TRPV2: variants seen among roughly 807,000 people sequenced by gnomAD.
The protein encoded by TRPV2 is OTRPC2.
Under a neutral mutation model 91.0 loss-of-function variants are expected in TRPV2, and 58 were observed. That is an observed-to-expected ratio of 0.64 (90% CI 0.52 to 0.79). The LOEUF (loss-of-function observed/expected upper bound fraction) is 0.79. Ranked by LOEUF, TRPV2 falls within the 30% of genes least tolerant of loss-of-function variation. The pLI is 0.00. For synonymous variants in TRPV2, 417 were observed against 414.8 expected (o/e 1.01, Z -0.06); for missense variants, 807 against 969.6 (o/e 0.83, Z 2.23).
intron 10 of TRPV2, among the ~76,000 whole-genome samples, chr17:16,430,508 T>A (rs1025431215): frequency 1.7e-4 from 25 of 147,632 alleles, no homozygotes; most frequent in Non-Finnish European, 4.5e-5. Flanking sequence ...TTTTTTGAGA[T>A]GGAGTCTTGC....
chr17:16,417,836 C>G lies in TRPV2; in HGVS notation c.168C>G (p.Val56=). Reference sequence around the variant, plus strand: ...GGAAATTCGCCCCTCAGATAAGAGTCAACCTCAACTACCGAAAGGGAACAG... The same window carrying G: ...GGAAATTCGCCCCTCAGATAAGAGTGAACCTCAACTACCGAAAGGGAACAG... The part of the protein sequence containing the change: ...EDRKFAPQIR[V]NLNYRKGTGA... The change falls in exon 2 of 15, where the codon GTC becomes GTG. Residue 56 remains valine (V), a synonymous_variant. Transcript: ENST00000338560. 1 of 1,614,174 alleles carries G rather than the reference C, an allele frequency of 6.2e-7. No individual in the cohort carries two copies. The highest frequency in any genetic ancestry group is 8.5e-7 in the Non-Finnish European group (1 of 1,180,022).
rs201728130 is a variant in TRPV2 at position 16,431,284 on chromosome 17, TATAC to T, written c.1588-496_1588-493del. ...ATATATATATATATATATATATATA[TATAC>T]ATATTTTTTTTTTTTTTTTTTTTGA... On this transcript the variant is annotated intron_variant, in intron 10 of 14. Coordinates refer to ENST00000338560, the MANE Select transcript of TRPV2 (RefSeq NM_016113.5). Among the ~76,000 whole-genome samples the T allele has an allele frequency of 1.3e-3, 60 of 46,490 alleles. 1 individual carries two copies. The highest frequency in any genetic ancestry group is 3.9e-3 in the African/African-American group (46 of 11,932). 30.5% of individuals were successfully genotyped at this position (46,490 alleles called of 152,430 possible). A position where few individuals can be genotyped will look rare whatever the true frequency, so the allele number is the denominator to read the frequency against.
intron 10 of TRPV2, among the ~76,000 whole-genome samples, chr17:16,431,291 ATTTTTTTTTTT>A (rs1167449708): frequency 1.0e-4 from 7 of 67,392 alleles, no homozygotes; most frequent in East Asian, 8.4e-4. Context: ...ATATATACAT[ATTTTTTTTTTT>A]TTTTTTTTTG....
chr17:16,420,398 G>A, intron 3 of TRPV2, 150 bp downstream of exon 3: 2 of 1,050,208 alleles, frequency 1.9e-6, no homozygotes, highest in Non-Finnish European at 2.7e-6. Context: ...CCTGTGGACA[G>A]AGTTAATCAA....
In TRPV2 at chr17:16,426,590, C is replaced by T. The variant is rs2093384242; in HGVS notation, c.1096-132C>T. The T allele has an allele frequency of 9.0e-7, 1 of 1,105,490 alleles. No individual in the cohort carries two copies. The highest frequency in any genetic ancestry group is 1.6e-5 in the South Asian group (1 of 61,536). 68.5% of individuals were successfully genotyped at this position (1,105,490 alleles called of 1,614,324 possible). A position where few individuals can be genotyped will look rare whatever the true frequency, so the allele number is the denominator to read the frequency against. On this transcript the variant is annotated intron_variant, in intron 6 of 14. Transcript: ENST00000338560. The surrounding 1 kb of genome is among the most constrained non-coding windows in gnomAD (Gnocchi z 6.0). ...AGGGTTGGCGTGAGGTCCTTTGGGG[C>T]TCCTGGGGTGTGGAAGCCTGCTCCC...
Position 16,433,704 on chromosome 17 carries a change from T to C in TRPV2, c.2114+6T>C. 1.2e-6 allele frequency: 2 copies of C among 1,613,148 alleles called. No homozygotes were observed. The highest frequency in any genetic ancestry group is 1.7e-6 in the Non-Finnish European group (2 of 1,179,796). Reference sequence around the variant, plus strand: ...GATGAGCGCTGGTGCTTCAGGTGAGTGAGTGGTGGGAGGGTCTCCTGGGGG... The same window carrying C: ...GATGAGCGCTGGTGCTTCAGGTGAGCGAGTGGTGGGAGGGTCTCCTGGGGG... On this transcript the variant is annotated splice_donor_region_variant and intron_variant, in intron 13 of 14. Coordinates refer to ENST00000338560, the MANE Select transcript of TRPV2 (RefSeq NM_016113.5).
chr17:16,423,211 C>G (rs2093366592), intron 4 of TRPV2, among the ~76,000 whole-genome samples: 1 of 152,216 alleles, frequency 6.6e-6, no homozygotes, highest in Admixed American at 6.5e-5. Flanking sequence ...CAGACCCAGA[C>G]CCAGGGAAAG....
At chr17:16,431,581 G>T (rs928144576) in intron 10 of TRPV2, among the ~76,000 whole-genome samples, 1 of 152,020 alleles carries the variant, frequency 6.6e-6, no homozygotes, top group Non-Finnish European at 1.5e-5. Flanking sequence ...TTATAGGCAT[G>T]AGCCACCGCA....
At chr17:16,420,973 A>G (rs1449091025) in intron 3 of TRPV2, among the ~76,000 whole-genome samples, 4 of 152,180 alleles carry the variant, frequency 2.6e-5, no homozygotes, top group Non-Finnish European at 5.9e-5. Context: ...CTTGACACAT[A>G]TACTAATTTG....
At chr17:16,422,285 T>A (rs2142990840) in intron 3 of TRPV2, among the ~76,000 whole-genome samples, 1 of 136,830 alleles carries the variant, frequency 7.3e-6, no homozygotes. Context: ...ATTGCGCCAC[T>A]GCACTCCAGC....
chr17:16,433,313 A>G, intron 12 of TRPV2: 1 of 423,946 alleles, frequency 2.4e-6, no homozygotes, highest in Non-Finnish European at 4.4e-6. Flanking sequence ...TCCAGTACTC[A>G]TAAGGTACAG....
chr17:16,431,291 A>ATATATATACATTTT (rs1333090555), intron 10 of TRPV2, among the ~76,000 whole-genome samples: 1 of 67,392 alleles, frequency 1.5e-5, no homozygotes, highest in African/African-American at 6.4e-5. Flanking sequence ...ATATATACAT[A>ATATATATACATTTT]TTTTTTTTTT....
intron 10 of TRPV2, among the ~76,000 whole-genome samples, chr17:16,431,045 TTTTTG>T (rs1018381214): frequency 3.5e-5 from 5 of 143,896 alleles, no homozygotes; most frequent in African/African-American, 1.4e-4. Flanking sequence ...AGGTTTTTTT[TTTTTG>T]TTTTTTGTTT....
chr17:16,422,864 G>A lies in TRPV2; in HGVS notation c.600G>A (p.Lys200=), dbSNP rs1211614444. The change falls in exon 4 of 15, where the codon AAG becomes AAA. Residue 200 remains lysine, a synonymous_variant. Transcript: ENST00000338560. ...HARACGRFFQ[K]GQGTCFYFGE... ...GGGCCTGCGGCCGCTTCTTCCAGAA[G>A]GGCCAAGGGACTTGCTTTTATTTCG... The A allele has an allele frequency of 1.3e-5, 21 of 1,567,414 alleles. No homozygotes were observed. The highest frequency in any genetic ancestry group is 7.4e-5 in the Admixed American group (4 of 54,006).
At position 16,431,926 on chromosome 17, in the gene TRPV2, G is replaced by A. The variant is rs201705670; in HGVS notation, c.1655-40G>A. ...CTGTACACTCCCAAGGCTGCCCACC[G>A]GTCTCCTGGGCTAAGGACCCCTCTC... On this transcript the variant is annotated intron_variant, in intron 11 of 14. Transcript: ENST00000338560. 8.2e-4 allele frequency: 1,314 copies of A among 1,611,780 alleles called. 13 individuals are homozygous for A. In the African/African-American group the frequency reaches 0.016, roughly 20 times the overall value.
Position 16,432,255 on chromosome 17 carries a change from C to A in TRPV2, c.1944C>A (p.Thr648=), listed in dbSNP as rs1318296832. The A allele has an allele frequency of 6.2e-7, 1 of 1,612,196 alleles. No homozygotes were observed. The highest frequency in any genetic ancestry group is 1.7e-5 in the Admixed American group (1 of 59,976). The change falls in exon 12 of 15, where the codon ACC becomes ACA. Residue 648 remains threonine, a synonymous_variant. Transcript: ENST00000338560. ...TGCTCATCGCCCTCATGAGCGAGAC[C>A]GTCAACAGTGTCGCCACTGACAGCT... The part of the protein sequence containing the change: ...LNMLIALMSE[T]VNSVATDSWS...
Position 16,432,035 on chromosome 17 carries a change from T to G in TRPV2, c.1724T>G (p.Val575Gly). The G allele has an allele frequency of 6.2e-7, 1 of 1,613,166 alleles. No homozygotes were observed. The highest frequency in any genetic ancestry group is 8.5e-7 in the Non-Finnish European group (1 of 1,179,314). ...APTGPNATES[V>G]QPMEGQEDEG... ...ACAGGCCCCAATGCCACAGAGTCAG[T>G]GCAGCCCATGGAGGGACAGGAGGAC... The change falls in exon 12 of 15, where the codon GTG (valine) becomes GGG (glycine). Residue 575 changes from valine (V) to glycine (G), a missense_variant. By Grantham distance (109) the Val-to-Gly change is moderately radical. Transcript: ENST00000338560.
At chr17:16,432,530 T>C (rs1288711218) in intron 12 of TRPV2, among the ~76,000 whole-genome samples, 2 of 149,774 alleles carry the variant, frequency 1.3e-5, no homozygotes, top group Non-Finnish European at 3.0e-5. Context: ...AGCCTCGGCC[T>C]CCTGAGCTCA....
At chr17:16,425,630 T>C (rs1347297669) in intron 5 of TRPV2, among the ~76,000 whole-genome samples, 1 of 152,230 alleles carries the variant, frequency 6.6e-6, no homozygotes, top group Non-Finnish European at 1.5e-5. Flanking sequence ...GTGTGGCCTA[T>C]GAAAGCAGTG....
Sources: allele counts gnomAD v4.1 joint callset (sites outside exome capture counted in the v4.1 genomes callset), GRCh38; gene constraint gnomAD v4.1.1; non-coding constraint Gnocchi (gnomAD v3.1); transcripts MANE v1.5; gene names NCBI Gene and HGNC (gene_info 2026-07-23, HGNC 2026-07-21).